CPA1: variants seen among roughly 807,000 people sequenced by gnomAD.
CPA1 encodes the protein carboxypeptidase A1, also known as carboxypeptidase A1 (pancreatic).
In CPA1, 42 loss-of-function variants were observed where a neutral mutation model predicts 48.7. The observed-to-expected ratio is 0.86, with a 90% CI of 0.67 to 1.11. The LOEUF (loss-of-function observed/expected upper bound fraction) is 1.11. Ranked by LOEUF, CPA1 falls within the 50% of genes most tolerant of loss-of-function variation. The pLI, the probability that CPA1 is intolerant of heterozygous loss-of-function variation, is 0.00. For synonymous variants in CPA1, 203 were observed against 217.9 expected (o/e 0.93, Z 0.60); for missense variants, 477 against 544.7 (o/e 0.88, Z 1.24).
chr7:130,383,587 A>G, intron 5 of CPA1, 95 bp downstream of exon 5: 1 of 1,417,306 alleles, frequency 7.1e-7, no homozygotes. Context: ...ATCCAGAAGC[A>G]GTGACCACAG....
chr7:130,381,204 C>T (rs782637898), intron 2 of CPA1, 25 bp downstream of exon 2: 25 of 1,581,966 alleles, frequency 1.6e-5, no homozygotes, highest in Non-Finnish European at 2.2e-5. Context: ...GAAGGGCTCT[C>T]TGAGGCCCCA....
chr7:130,385,957 G>C (rs1348999766), intron 9 of CPA1, 34 bp downstream of exon 9: 2 of 1,547,658 alleles, frequency 1.3e-6, no homozygotes, highest in Admixed American at 1.7e-5. Context: ...TGATGGGCCT[G>C]CGAGGAACAT....
Position 130,385,135 on chromosome 7 carries a change from T to TC in CPA1, c.788-5dup. The TC allele has an allele frequency of 4.3e-6, 7 of 1,613,650 alleles. No homozygotes were observed. Among genetic ancestry groups the TC allele is most frequent in the African/African-American group, 4.0e-5 (3 of 74,946 alleles). On this transcript the variant is annotated splice_polypyrimidine_tract_variant and intron_variant, in intron 7 of 9. Transcript: ENST00000011292. The stretch of plus-strand genomic sequence containing the variant: ...AGGAGCCACACCGCCATGCCCTCTG[T>TC]CCCCCCACAGTGTCCGGAGCCAGCA...
At chr7:130,384,996 G>A in intron 7 of CPA1, 150 bp from the exon 8 acceptor site, 10 of 751,708 alleles carry the variant, frequency 1.3e-5, no homozygotes, top group Non-Finnish European at 2.2e-5. Flanking sequence ...AGTTCCCCCA[G>A]GTTATAGAAG....
rs781990114 is a variant in CPA1 at position 130,385,178 on chromosome 7, A to G, written c.820A>G (p.Thr274Ala). ...SGASSNPCSE[T>A]YHGKFANSEV... ...AGCCAGCAGTAACCCCTGCTCGGAGACTTACCACGGCAAGTTTGCCAATTC... is the reference window on the plus strand; with the variant it reads ...AGCCAGCAGTAACCCCTGCTCGGAGGCTTACCACGGCAAGTTTGCCAATTC... The change falls in exon 8 of 10, where the codon ACT (threonine) becomes GCT (alanine). Residue 274 changes from threonine to alanine, a missense_variant. Coordinates refer to ENST00000011292, the MANE Select transcript of CPA1 (RefSeq NM_001868.4). The G allele has an allele frequency of 6.8e-6, 11 of 1,613,986 alleles. No individual in the cohort carries two copies. Among genetic ancestry groups the G allele is most frequent in the Middle Eastern group, 3.3e-4 (2 of 6,082 alleles).
At position 130,387,784 on chromosome 7, in the gene CPA1, AGTGATTGACC is replaced by A. The variant is rs782345685; in HGVS notation, c.1073-39_1073-30del. ...ACCCAACCCGTGTAAATATTCCCAA[AGTGATTGACC>A]CTTTCTCTCCTATTTTACTCCTGCC... is the stretch of plus-strand genomic sequence containing the variant. On this transcript the variant is annotated intron_variant, in intron 9 of 9. Coordinates refer to ENST00000011292, the MANE Select transcript of CPA1 (RefSeq NM_001868.4). This position sits in a 1 kb window ranked among gnomAD's most constrained non-coding sequence, Gnocchi z 4.6. The A allele has an allele frequency of 8.6e-5, 136 of 1,585,770 alleles. No individual in the cohort carries two copies. The highest frequency in any genetic ancestry group is 3.3e-4 in the Middle Eastern group (2 of 5,984).
chr7:130,381,926 G>A lies in CPA1; in HGVS notation c.381+63G>A, dbSNP rs574733701. Reference sequence around the variant, plus strand: ...AGCTCTTCATCATGGCTGGTAGAACGCGGTAGGGCCAAGGCCAGGGCCAGC... The same window carrying A: ...AGCTCTTCATCATGGCTGGTAGAACACGGTAGGGCCAAGGCCAGGGCCAGC... On this transcript the variant is annotated intron_variant, in intron 3 of 9. Transcript: ENST00000011292. 138 of 1,494,204 alleles carry A rather than the reference G, an allele frequency of 9.2e-5. 1 individual carries two copies. The African/African-American group carries it at 1.8e-3, about 19-fold the overall frequency. The allele number at this position is 1,494,204 out of a possible 1,614,324, so 92.6% of individuals were successfully genotyped here.
chr7:130,383,560 C>G, intron 5 of CPA1, 68 bp downstream of exon 5: 2 of 1,462,402 alleles, frequency 1.4e-6, no homozygotes, highest in Non-Finnish European at 1.9e-6. Context: ...CACAGAAGCC[C>G]GGGCCTCCCT....
intron 8 of CPA1, 37 bp downstream of exon 8, chr7:130,385,382 G>A (rs1554411858): frequency 3.1e-6 from 5 of 1,599,974 alleles, no homozygotes; most frequent in Admixed American, 1.7e-5. Flanking sequence ...TCGTCCCCAA[G>A]GTGGCTTCGG....
chr7:130,384,245 G>A (rs572986187), intron 6 of CPA1: 22 of 494,834 alleles, frequency 4.4e-5, no homozygotes, highest in South Asian at 2.3e-4. Context: ...CAGCTTCTTC[G>A]CCATATAGAA....
intron 9 of CPA1, 151 bp downstream of exon 9, chr7:130,386,074 C>T (rs962234294): frequency 4.9e-6 from 3 of 616,134 alleles, no homozygotes; most frequent in Non-Finnish European, 8.7e-6. Flanking sequence ...GTGGGCAGTC[C>T]CTTTTCCTGA....
At position 130,383,655 on chromosome 7, in the gene CPA1, G is replaced by A. The variant is rs377654542; in HGVS notation, c.586-29G>A. On this transcript the variant is annotated intron_variant, in intron 5 of 9. Coordinates refer to ENST00000011292, the MANE Select transcript of CPA1 (RefSeq NM_001868.4). ...TTGGCAGATGCCTGGCCCAGCCTGC[G>A]CTGCCCCTCTGCTCCTCTAACCCCC... 6.5e-5 allele frequency: 102 copies of A among 1,560,712 alleles called. No homozygotes were observed. In the Middle Eastern group the frequency reaches 8.4e-4, roughly 13 times the overall value.
chr7:130,382,303 G>T (rs925850476), intron 4 of CPA1, 94 bp downstream of exon 4: 56 of 948,850 alleles, frequency 5.9e-5, no homozygotes, highest in Non-Finnish European at 5.0e-6. Flanking sequence ...CATGGTACCA[G>T]GGAACACGCT....
At chr7:130,381,253 A>G (rs544095072) in intron 2 of CPA1, 74 bp downstream of exon 2, 23 of 1,084,058 alleles carry the variant, frequency 2.1e-5, no homozygotes, top group Non-Finnish European at 3.0e-5. Context: ...CCAGCGGCCA[A>G]CTGTGCCTGG....
rs533389472 is a variant in CPA1 at position 130,385,922 on chromosome 7, T to A, written c.1071T>A (p.Ile357=). The A allele has an allele frequency of 3.1e-6, 5 of 1,613,436 alleles. No homozygotes were observed. In the African/African-American group the frequency reaches 6.7e-5, roughly 22 times the overall value. The change falls in exon 9 of 10, where the codon ATT becomes ATA. Residue 357 remains isoleucine, a splice_region_variant and synonymous_variant. Transcript: ENST00000011292. ...KFNYGSIIKA[I]YQASGSTIDW... is the part of the protein sequence containing the mutation. The stretch of plus-strand genomic sequence containing the variant: ...ACTATGGCAGCATCATCAAGGCAAT[T>A]TGTAAGTGGCCGTAGGGTCTCTCTT...
Position 130,385,288 on chromosome 7 carries a change from G to A in CPA1, c.930G>A (p.Gln310=). ...TCATCTCCATCCACAGCTACTCCCA[G>A]CTCCTCATGTATCCCTATGGCTACA... The part of the protein sequence containing the change: ...KAFISIHSYS[Q]LLMYPYGYKT... Residue 310 remains glutamine, a synonymous_variant, in exon 8 of 10, where the codon CAG becomes CAA. Transcript: ENST00000011292. 1 of 1,614,182 alleles carries A rather than the reference G, an allele frequency of 6.2e-7. No homozygotes were observed. The highest frequency in any genetic ancestry group is 1.1e-5 in the South Asian group (1 of 91,084).
intron 1 of CPA1, 82 bp downstream of exon 1, chr7:130,380,667 CAG>C (rs1796392380): frequency 1.3e-6 from 1 of 798,190 alleles, no homozygotes; most frequent in Non-Finnish European, 1.8e-6. Context: ...GACAGACAGA[CAG>C]ATACATGGCA....
chr7:130,382,342 G>A, intron 4 of CPA1, 133 bp downstream of exon 4: 2 of 675,064 alleles, frequency 3.0e-6, no homozygotes, highest in Non-Finnish European at 5.2e-6. Context: ...GCAGACATTT[G>A]GAAAGGCCTG....
chr7:130,384,719 A>T (rs1272182796), intron 7 of CPA1, 93 bp downstream of exon 7: 2 of 1,088,170 alleles, frequency 1.8e-6, no homozygotes, highest in African/African-American at 1.5e-5. Context: ...CTGCCCCTGC[A>T]GTGAGGGGAG....
Sources: gnomAD v4.1 joint callset for allele counts on GRCh38, gnomAD v4.1.1 for gene constraint, Gnocchi (gnomAD v3.1) non-coding constraint, MANE v1.5 for transcripts, NCBI Gene and HGNC (gene_info 2026-07-23, HGNC 2026-07-21) for gene names.